Variants in MACROD2 observed in about 807,000 individuals in gnomAD.
MACROD2 encodes the protein mono-ADP ribosylhydrolase 2.
In MACROD2, 36 loss-of-function variants were observed where a neutral mutation model predicts 70.4. The observed-to-expected ratio is 0.51, with a 90% CI of 0.39 to 0.68. The LOEUF (loss-of-function observed/expected upper bound fraction) is 0.68, where lower values mean the gene tolerates loss of function less well. Ranked by LOEUF, MACROD2 falls within the 30% of genes least tolerant of loss-of-function variation. The pLI is 0.00. For missense variants in MACROD2, 496 were observed against 538.4 expected (o/e 0.92, Z 0.78); for synonymous variants, 172 against 178.8 (o/e 0.96, Z 0.30).
chr20:14,129,346 G>C (rs1205448987), intron 3 of MACROD2, among the ~76,000 whole-genome samples: 2 of 152,192 alleles, frequency 1.3e-5, no homozygotes, highest in African/African-American at 4.8e-5. Flanking sequence ...AAGAATATTA[G>C]AATTAGAAGT....
intron 3 of MACROD2, among the ~76,000 whole-genome samples, chr20:14,171,105 T>G (rs768515757): frequency 6.6e-6 from 1 of 152,174 alleles, no homozygotes; most frequent in Non-Finnish European, 1.5e-5. Flanking sequence ...TGTCCATCTT[T>G]TCTAGGTTTT....
intron 5 of MACROD2, among the ~76,000 whole-genome samples, chr20:15,006,697 A>G (rs1229576440): frequency 6.6e-6 from 1 of 152,218 alleles, no homozygotes; most frequent in Non-Finnish European, 1.5e-5. Flanking sequence ...GATAAATTTA[A>G]TAGAAGCTTT....
intron 8 of MACROD2, among the ~76,000 whole-genome samples, chr20:15,714,797 A>G (rs1024243186): frequency 1.3e-5 from 2 of 151,892 alleles, no homozygotes; most frequent in Non-Finnish European, 2.9e-5. Context: ...TTTTATTCCT[A>G]CTAATAAATA....
rs185934897 is a variant in MACROD2 at position 15,999,625 on chromosome 20, G to T, written c.1153+12467G>T. Among the ~76,000 whole-genome samples the T allele has an allele frequency of 1.1e-4, 17 of 152,258 alleles. No homozygotes were observed. The East Asian group carries it at 1.5e-3, about 14-fold the overall frequency. ...TTTATTTCTCCTCTCAATTCTATTA[G>T]TATTTGCTTTATATATTTAGATGCT... On this transcript the variant is annotated intron_variant, in intron 15 of 17. Coordinates refer to ENST00000684519, the MANE Select transcript of MACROD2 (RefSeq NM_001351661.2).
intron 5 of MACROD2, among the ~76,000 whole-genome samples, chr20:15,219,830 A>G (rs1474482221): frequency 2.6e-5 from 4 of 152,144 alleles, no homozygotes; most frequent in Non-Finnish European, 5.9e-5. Context: ...AAAGTCTGTC[A>G]TGTTCCATTT....
intron 5 of MACROD2, among the ~76,000 whole-genome samples, chr20:14,813,296 G>A (rs1246832115): frequency 6.6e-6 from 1 of 151,690 alleles, no homozygotes; most frequent in East Asian, 1.9e-4. Flanking sequence ...CATCACCTAG[G>A]TATTAAGCCT....
intron 6 of MACROD2, among the ~76,000 whole-genome samples, chr20:15,320,559 ATAAGT>A (rs886318636): frequency 2.6e-5 from 4 of 152,322 alleles, no homozygotes; most frequent in Admixed American, 6.5e-5. Flanking sequence ...TATCCATTTG[ATAAGT>A]TAAGATATAA....
chr20:15,975,236 T>A (rs1219490234), intron 13 of MACROD2, among the ~76,000 whole-genome samples: 1 of 152,106 alleles, frequency 6.6e-6, no homozygotes, highest in Non-Finnish European at 1.5e-5. Context: ...GAGTTGAAAG[T>A]ACACAAAATT....
chr20:14,319,225 TC>T (rs2082638284), intron 3 of MACROD2, among the ~76,000 whole-genome samples: 2 of 152,148 alleles, frequency 1.3e-5, no homozygotes, highest in South Asian at 4.2e-4. Context: ...ACCAACTCAT[TC>T]CATCTCTCTC....
chr20:15,829,344 C>T (rs1160681823), intron 8 of MACROD2, among the ~76,000 whole-genome samples: 2 of 152,172 alleles, frequency 1.3e-5, no homozygotes, highest in African/African-American at 4.8e-5. Flanking sequence ...TAGAACACAT[C>T]GTATTCCGTG....
chr20:14,962,394 G>A (rs1204777850), intron 5 of MACROD2, among the ~76,000 whole-genome samples: 1 of 151,394 alleles, frequency 6.6e-6, no homozygotes, highest in Non-Finnish European at 1.5e-5. Context: ...GACCTCCTGG[G>A]CTCAAGTGAT....
At chr20:14,569,798 G>T (rs1980063635) in intron 4 of MACROD2, among the ~76,000 whole-genome samples, 1 of 151,768 alleles carries the variant, frequency 6.6e-6, no homozygotes, top group South Asian at 2.1e-4. Flanking sequence ...AGCTGTGAAA[G>T]AATTTGGATC....
intron 8 of MACROD2, among the ~76,000 whole-genome samples, chr20:15,629,216 C>A (rs2049251744): frequency 6.6e-6 from 1 of 152,190 alleles, no homozygotes. Flanking sequence ...AATTTGCACT[C>A]TTGCCAGCAG....
At chr20:14,997,641 A>G (rs1189973012) in intron 5 of MACROD2, among the ~76,000 whole-genome samples, 1 of 152,210 alleles carries the variant, frequency 6.6e-6, no homozygotes, top group Non-Finnish European at 1.5e-5. Context: ...GCTTCTTGAC[A>G]GCATTTCTAG....
intron 8 of MACROD2, among the ~76,000 whole-genome samples, chr20:15,653,075 C>T (rs1010155187): frequency 2.6e-5 from 4 of 152,048 alleles, no homozygotes; most frequent in Non-Finnish European, 5.9e-5. Context: ...AAAACAAGTA[C>T]AAATTTCTAA....
intron 2 of MACROD2, among the ~76,000 whole-genome samples, chr20:14,029,509 C>T (rs894586922): frequency 5.9e-5 from 9 of 152,164 alleles, no homozygotes; most frequent in Admixed American, 5.9e-4. Context: ...AGATGGGTAA[C>T]TTCAGTGACT....
At chr20:15,575,170 G>A (rs1568903114) in intron 8 of MACROD2, among the ~76,000 whole-genome samples, 1 of 152,000 alleles carries the variant, frequency 6.6e-6, no homozygotes, top group African/African-American at 2.4e-5. Flanking sequence ...AGCTGTTTTT[G>A]TTTTGTTATA....
At chr20:15,139,871 CTG>C (rs1448563444) in intron 5 of MACROD2, among the ~76,000 whole-genome samples, 4 of 152,166 alleles carry the variant, frequency 2.6e-5, no homozygotes, top group Non-Finnish European at 5.9e-5. Flanking sequence ...CATATAGAGA[CTG>C]GGTTGCAGCT....
At position 15,723,272 on chromosome 20, in the gene MACROD2, A is replaced by G. The variant is rs531347150; in HGVS notation, c.646-139473A>G. 2.6e-5 allele frequency among the ~76,000 whole-genome samples: 4 copies of G among 152,316 alleles called. No individual in the cohort carries two copies. The South Asian group carries it at 8.3e-4, about 32-fold the overall frequency. ...ACTGATACATTTGTTACAATCCATGAACCTACATTTACACATCATTATTAC... is the reference window on the plus strand; with the variant it reads ...ACTGATACATTTGTTACAATCCATGGACCTACATTTACACATCATTATTAC... On this transcript the variant is annotated intron_variant, in intron 8 of 17. Coordinates refer to ENST00000684519, the MANE Select transcript of MACROD2 (RefSeq NM_001351661.2).
Sources: gnomAD v4.1 joint callset for allele counts (sites outside exome capture counted in the v4.1 genomes callset) on GRCh38, gnomAD v4.1.1 for gene constraint, MANE v1.5 for transcripts, NCBI Gene and HGNC (gene_info 2026-07-23, HGNC 2026-07-21) for gene names.